The following PARVB variants were observed in gnomAD, a reference collection of about 807,000 sequenced individuals.
The protein encoded by PARVB is parvin beta.
Under a neutral mutation model 47.0 loss-of-function variants are expected in PARVB, and 46 were observed. The observed-to-expected ratio is 0.98, with a 90% CI of 0.77 to 1.25. PARVB has a LOEUF of 1.25. Among genes scored for constraint, PARVB ranks in the 50% most tolerant of loss-of-function variants. The probability of loss-of-function intolerance (pLI) is 0.00; values close to 1 mark genes in which losing one functional copy is unlikely to be tolerated. For missense variants in PARVB, 473 were observed against 471.6 expected, an observed-to-expected ratio of 1.00 and a Z score of -0.03; for synonymous variants, 196 against 196.3, an observed-to-expected ratio of 1.00 and a Z score of 0.01.
rs766162295 is a variant in PARVB, at chr22:44,122,488, A to AAGAGAGAGAGAGAGAGAGAG, written c.376+3360_376+3379dup. Among the ~76,000 whole-genome samples the AAGAGAGAGAGAGAGAGAGAG allele has an allele frequency of 5.0e-4, 38 of 76,658 alleles. 4 individuals are homozygous for AAGAGAGAGAGAGAGAGAGAG. Among genetic ancestry groups the AAGAGAGAGAGAGAGAGAGAG allele is most frequent in the Non-Finnish European group, 3.0e-4 (12 of 40,066 alleles). 50.3% of individuals were successfully genotyped at this position (76,658 alleles called of 152,430 possible). ...GCAACAGAGTGAGACCCTGTCGATCAAGAGAGAGAGAGAGAGAGAGAGAGA... is the reference window on the plus strand; with the variant it reads ...GCAACAGAGTGAGACCCTGTCGATCAAGAGAGAGAGAGAGAGAGAGAGAGAGAGAGAGAGAGAGAGAGAGA... On this transcript the variant is annotated intron_variant, in intron 4 of 12. Coordinates refer to ENST00000338758, the MANE Select transcript of PARVB (RefSeq NM_013327.5).
chr22:44,172,187 A>T lies in PARVB; in HGVS notation c.*3509A>T, dbSNP rs950795153. 4 of 152,278 alleles carry T rather than the reference A, an allele frequency of 2.6e-5. No individual in the cohort carries two copies. The highest frequency in any genetic ancestry group is 5.9e-5 in the Non-Finnish European group (4 of 68,086). 9.4% of individuals were successfully genotyped at this position (152,278 alleles called of 1,614,324 possible). A position where few individuals can be genotyped will look rare whatever the true frequency, so the allele number is the denominator to read the frequency against. On this transcript the variant is annotated 3_prime_UTR_variant, in exon 13 of 13. Coordinates refer to ENST00000338758, the MANE Select transcript of PARVB (RefSeq NM_013327.5). ...AGGGGCCAGTTCCAAGGCAGAATTC[A>T]GGGTGAACTCGATTCCTATAGGCTT... is the stretch of plus-strand genomic sequence containing the variant.
In PARVB at chr22:44,147,823, A is replaced by G; in HGVS notation, c.713-38A>G. The stretch of plus-strand genomic sequence containing the variant: ...GATTAGGGCAGCACCACGGGTTTCC[A>G]TAAACGCTCCTTCGTGTCTCTCTTT... On this transcript the variant is annotated intron_variant, in intron 8 of 12. Coordinates refer to ENST00000338758, the MANE Select transcript of PARVB (RefSeq NM_013327.5). 2.5e-6 allele frequency: 4 copies of G among 1,600,854 alleles called. No individual in the cohort carries two copies. The South Asian group carries it at 4.4e-5, about 18-fold the overall frequency.
At position 44,051,144 on chromosome 22, in the gene PARVB, A is replaced by T. The variant is rs373862698; in HGVS notation, c.112+26693A>T. Among the ~76,000 whole-genome samples, 5 of 152,344 alleles carry T rather than the reference A, an allele frequency of 3.3e-5. No individual in the cohort carries two copies. In the East Asian group the frequency reaches 5.8e-4, roughly 18 times the overall value. On this transcript the variant is annotated intron_variant, in intron 1 of 12. Transcript: ENST00000338758. Reference sequence around the variant, plus strand: ...AGAGATCTCCCGTGACAGAGTAGTTAGGCAGCCGTAAAAATCCTACCACCA... The same window carrying T: ...AGAGATCTCCCGTGACAGAGTAGTTTGGCAGCCGTAAAAATCCTACCACCA...
At chr22:44,134,406 G>A (rs2267613) in intron 6 of PARVB, among the ~76,000 whole-genome samples, 12,243 of 152,226 alleles carry the variant, frequency 0.08, 737 homozygotes, top group South Asian at 0.26. Flanking sequence ...GCCTACCTAC[G>A]TCAGCTCGGG....
intron 2 of PARVB, among the ~76,000 whole-genome samples, chr22:44,006,091 T>C (rs1009973672): frequency 3.9e-5 from 6 of 152,182 alleles, no homozygotes; most frequent in African/African-American, 1.4e-4. Context: ...CACAGGCGCA[T>C]GCCACCATGC....
intron 2 of PARVB, 96 bp from the exon 3 acceptor site, chr22:44,099,957 T>C (rs2052401907): frequency 1.0e-6 from 1 of 987,010 alleles, no homozygotes. Flanking sequence ...GTTCTCTGCT[T>C]CTCCATTTGT....
intron 4 of PARVB, among the ~76,000 whole-genome samples, chr22:44,127,024 T>G (rs2053200356): frequency 6.6e-6 from 1 of 152,234 alleles, no homozygotes; most frequent in African/African-American, 2.4e-5. Context: ...CCCTCTTCAG[T>G]TAGTGCTAGC....
chr22:44,024,920 G>A (rs914789556), intron 1 of PARVB, among the ~76,000 whole-genome samples: 3 of 152,248 alleles, frequency 2.0e-5, no homozygotes, highest in African/African-American at 7.2e-5. Flanking sequence ...GTGCAGGGCT[G>A]AGGCCTGGGA....
chr22:44,065,857 GCA>G (rs71276599), intron 1 of PARVB, among the ~76,000 whole-genome samples: 39 of 134,008 alleles, frequency 2.9e-4, no homozygotes, highest in African/African-American at 7.7e-4. Context: ...GTGTGTGTGT[GCA>G]TGTGTGTGTG....
intron 4 of PARVB, among the ~76,000 whole-genome samples, chr22:44,128,407 C>A (rs774434301): frequency 1.3e-5 from 2 of 152,220 alleles, no homozygotes; most frequent in Non-Finnish European, 2.9e-5. Flanking sequence ...GGGGTCCTGG[C>A]CACAACAGAG....
At chr22:44,000,392 A>G (rs1254122180) in intron 2 of PARVB, among the ~76,000 whole-genome samples, 1 of 152,252 alleles carries the variant, frequency 6.6e-6, no homozygotes, top group Non-Finnish European at 1.5e-5. Flanking sequence ...ATACTGGGCC[A>G]CTGTGAATAT....
intron 1 of PARVB, among the ~76,000 whole-genome samples, chr22:44,072,850 A>T (rs1268165063): frequency 6.6e-6 from 1 of 152,144 alleles, no homozygotes; most frequent in African/African-American, 2.4e-5. Context: ...CCTACTAGGG[A>T]TGTAGGGATA....
intron 3 of PARVB, chr22:44,109,603 G>A (rs887040657): frequency 3.3e-5 from 5 of 152,230 alleles, no homozygotes; most frequent in African/African-American, 1.2e-4. Context: ...GGTGGCAGTG[G>A]AACTGGGCCG....
At chr22:44,025,109 G>A (rs1418109895) in intron 1 of PARVB, among the ~76,000 whole-genome samples, 4 of 152,042 alleles carry the variant, frequency 2.6e-5, no homozygotes, top group Non-Finnish European at 5.9e-5. Context: ...GATACATTCT[G>A]GAATTTTCTG....
chr22:44,035,572 C>T (rs1287081429), intron 1 of PARVB, among the ~76,000 whole-genome samples: 5 of 151,896 alleles, frequency 3.3e-5, no homozygotes, highest in African/African-American at 7.2e-5. Flanking sequence ...GGGGTTTCAC[C>T]GTGGTGGCCA....
At chr22:44,011,943 G>A (rs1204606013) in intron 2 of PARVB, among the ~76,000 whole-genome samples, 1 of 152,190 alleles carries the variant, frequency 6.6e-6, no homozygotes, top group Non-Finnish European at 1.5e-5. Flanking sequence ...GGTGATACCT[G>A]GATGGCAAAT....
At chr22:44,093,579 C>T (rs1475372705) in intron 1 of PARVB, among the ~76,000 whole-genome samples, 2 of 152,212 alleles carry the variant, frequency 1.3e-5, no homozygotes, top group Admixed American at 6.5e-5. Context: ...CATGCCCCAT[C>T]GCTGTGGTCC....
In PARVB at chr22:44,016,442, C is replaced by T. The variant is rs115567462; in HGVS notation, c.211+16769C>T. Among the ~76,000 whole-genome samples, 745 of 152,310 alleles carry T rather than the reference C, an allele frequency of 4.9e-3. 8 individuals carry two copies. The highest frequency in any genetic ancestry group is 0.017 in the African/African-American group (713 of 41,574). ...TAACTTCCACTCTAAACCTCACTCT[C>T]TGTGTGTCCATGTCTTAGTTTTCTG... On this transcript the variant is annotated intron_variant, in intron 2 of 13. Coordinates refer to the PARVB transcript ENST00000406477.
chr22:44,123,991 G>A (rs1428451862), intron 4 of PARVB, among the ~76,000 whole-genome samples: 1 of 152,226 alleles, frequency 6.6e-6, no homozygotes, highest in Non-Finnish European at 1.5e-5. Flanking sequence ...AATGCCAAGA[G>A]CAGAACTAAG....
Sources: allele counts gnomAD v4.1 joint callset (sites outside exome capture counted in the v4.1 genomes callset), GRCh38; gene constraint gnomAD v4.1.1; transcripts MANE v1.5; gene names NCBI Gene and HGNC (gene_info 2026-07-23, HGNC 2026-07-21).